EEF1A1: variants seen among roughly 807,000 people sequenced by gnomAD.
The protein encoded by EEF1A1 is eukaryotic translation elongation factor 1 alpha 1, also known as elongation factor 1-alpha 1.
A neutral mutation model predicts 38.5 loss-of-function variants in EEF1A1; 1 was observed. The observed-to-expected ratio is 0.03, with a 90% CI of 0.01 to 0.12. EEF1A1 has a LOEUF of 0.12. EEF1A1 is among the 10% of genes least tolerant of loss of function. The probability of loss-of-function intolerance (pLI) is 1.00; values close to 1 mark genes in which losing one functional copy is unlikely to be tolerated. For missense variants in EEF1A1, 184 were observed against 588.3 expected (o/e 0.31, Z 7.11); for synonymous variants, 229 against 203.7 (o/e 1.12, Z -1.06).
intron 2 of EEF1A1, 65 bp from the exon 3 acceptor site, chr6:73,519,581 C>T: frequency 1.3e-6 from 2 of 1,498,160 alleles, no homozygotes; most frequent in East Asian, 2.3e-5. Context: ...TTTCCTTGTC[C>T]CCAGCCCTTA....
Position 73,520,068 on chromosome 6 carries a change from GAAA to G in EEF1A1, c.-30-15_-30-13del, listed in dbSNP as rs765550117. On this transcript the variant is annotated splice_polypyrimidine_tract_variant and intron_variant, in intron 1 of 7. Coordinates refer to ENST00000309268, the MANE Select transcript of EEF1A1 (RefSeq NM_001402.6). ...AGTTTTCACGACACCTGAAATGGAAGAAAAAAACTTTGAACCACTGTCTGAGGC... is the reference window on the plus strand; with the variant it reads ...AGTTTTCACGACACCTGAAATGGAAGAAAACTTTGAACCACTGTCTGAGGC... The G allele has an allele frequency of 6.4e-6, 10 of 1,572,940 alleles. No individual in the cohort carries two copies. The African/African-American group carries it at 1.2e-4, about 19-fold the overall frequency.
At chr6:73,520,142 G>A in intron 1 of EEF1A1, 86 bp from the exon 2 acceptor site, 1 of 1,309,762 alleles carries the variant, frequency 7.6e-7, no homozygotes, top group South Asian at 1.4e-5. Flanking sequence ...AAATTCCAAG[G>A]AGAATTACAT....
chr6:73,518,002 T>G, intron 7 of EEF1A1, 28 bp downstream of exon 7: 2 of 1,609,652 alleles, frequency 1.2e-6, no homozygotes, highest in Non-Finnish European at 8.5e-7. Context: ...TTAACACAAC[T>G]TTTTTACATT....
intron 4 of EEF1A1, 26 bp downstream of exon 4, chr6:73,518,906 T>C: frequency 6.2e-7 from 1 of 1,611,208 alleles, no homozygotes. Context: ...CAGAGCTTTT[T>C]AACAATGGTC....
At position 73,517,020 on chromosome 6, in the gene EEF1A1, A is replaced by G. The variant is rs1267860289; in HGVS notation, c.*790T>C. The G allele has an allele frequency of 6.6e-6, 1 of 152,214 alleles. No individual in the cohort carries two copies. The highest frequency in any genetic ancestry group is 1.9e-4 in the East Asian group (1 of 5,204). 9.4% of individuals were successfully genotyped at this position (152,214 alleles called of 1,614,324 possible). A position where few individuals can be genotyped will look rare whatever the true frequency, so the allele number is the denominator to read the frequency against. Reference sequence around the variant, plus strand: ...AATAGCACTCAATAGAACTTGTGAAACCATCAAACTGGCATAAAGCTTACT... The same window carrying G: ...AATAGCACTCAATAGAACTTGTGAAGCCATCAAACTGGCATAAAGCTTACT... On this transcript the variant is annotated 3_prime_UTR_variant, in exon 8 of 8. Transcript: ENST00000309268.
rs927295663 is a variant in EEF1A1, at chr6:73,520,329, G to T, written c.-30-273C>A. ...TCACATGAAGCGACGGCTGAGGACGGAAAGGCCCTTTTCCTTTGTGTGGGT... is the reference window on the plus strand; with the variant it reads ...TCACATGAAGCGACGGCTGAGGACGTAAAGGCCCTTTTCCTTTGTGTGGGT... On this transcript the variant is annotated intron_variant, in intron 1 of 7. Transcript: ENST00000309268. 4 of 271,058 alleles carry T rather than the reference G, an allele frequency of 1.5e-5. No homozygotes were observed. In the South Asian group the frequency reaches 2.3e-4, roughly 16 times the overall value. The allele number at this position is 271,058 out of a possible 1,614,324, so 16.8% of individuals were successfully genotyped here.
In EEF1A1 at chr6:73,516,134, A is replaced by G. The variant is rs1765508051; in HGVS notation, c.*1676T>C. On this transcript the variant is annotated 3_prime_UTR_variant, in exon 8 of 8. Transcript: ENST00000309268. The stretch of plus-strand genomic sequence containing the variant: ...GTTCAATTTAGACTTGATACCTCAG[A>G]GCACTGGCTGATGGGAAGGCATTTT... 6.6e-6 allele frequency: 1 copy of G among 152,272 alleles called. No homozygotes were observed. The highest frequency in any genetic ancestry group is 1.5e-5 in the Non-Finnish European group (1 of 68,054). The allele number at this position is 152,272 out of a possible 1,614,324, so 9.4% of individuals were successfully genotyped here. A position where few individuals can be genotyped will look rare whatever the true frequency, so the allele number is the denominator to read the frequency against.
chr6:73,519,547 C>T (rs937015225), intron 2 of EEF1A1, 31 bp from the exon 3 acceptor site: 2 of 1,556,856 alleles, frequency 1.3e-6, no homozygotes, highest in African/African-American at 1.4e-5. Flanking sequence ...TACTTGGTTA[C>T]TAAAACACAA....
Position 73,519,430 on chromosome 6 carries a change from C to T in EEF1A1, c.231G>A (p.Leu77=), listed in dbSNP as rs1482650452. The T allele has an allele frequency of 5.6e-6, 9 of 1,605,694 alleles. 1 individual carries two copies. Among genetic ancestry groups the T allele is most frequent in the Admixed American group, 5.0e-5 (3 of 59,982 alleles). ...RERGITIDIS[L]WKFETSKYYV... is the part of the protein sequence containing the mutation. ...AGTACTTGCTGGTCTCAAATTTCCA[C>T]AAGGAGATATCAATGGTGATACCAC... Residue 77 remains leucine (L), a synonymous_variant, in exon 3 of 8, where the codon TTG becomes TTA. Coordinates refer to ENST00000309268, the MANE Select transcript of EEF1A1 (RefSeq NM_001402.6).
At position 73,515,813 on chromosome 6, in the gene EEF1A1, C is replaced by G. The variant is rs550459409; in HGVS notation, c.*1997G>C. The stretch of plus-strand genomic sequence containing the variant: ...GTAATGAATACCAGCAGGTGGTGCT[C>G]AAGCCACAGTTGTCTAAGACACTGG... On this transcript the variant is annotated 3_prime_UTR_variant, in exon 8 of 8. Transcript: ENST00000309268. 6.6e-6 allele frequency: 1 copy of G among 152,230 alleles called. No individual in the cohort carries two copies. Among genetic ancestry groups the G allele is most frequent in the Non-Finnish European group, 1.5e-5 (1 of 68,044 alleles). The allele number at this position is 152,230 out of a possible 1,614,324, so 9.4% of individuals were successfully genotyped here. A position where few individuals can be genotyped will look rare whatever the true frequency, so the allele number is the denominator to read the frequency against.
chr6:73,520,218 A>T, intron 1 of EEF1A1, 162 bp from the exon 2 acceptor site: 1 of 603,872 alleles, frequency 1.7e-6, no homozygotes, highest in Non-Finnish European at 2.7e-6. Flanking sequence ...ATCGCATAAA[A>T]CCCCTCCCCC....
rs1005161034 is a variant in EEF1A1 at position 73,516,150 on chromosome 6, A to G, written c.*1660T>C. On this transcript the variant is annotated 3_prime_UTR_variant, in exon 8 of 8. Coordinates refer to ENST00000309268, the MANE Select transcript of EEF1A1 (RefSeq NM_001402.6). ...ATACCTCAGAGCACTGGCTGATGGG[A>G]AGGCATTTTATCTAATTCAGACTCA... The G allele has an allele frequency of 1.3e-5, 2 of 152,244 alleles. No individual in the cohort carries two copies. The highest frequency in any genetic ancestry group is 2.4e-5 in the African/African-American group (1 of 41,474). The allele number at this position is 152,244 out of a possible 1,614,324, so 9.4% of individuals were successfully genotyped here. A position where few individuals can be genotyped will look rare whatever the true frequency, so the allele number is the denominator to read the frequency against.
At chr6:73,520,289 C>A in intron 1 of EEF1A1, 1 of 401,182 alleles carries the variant, frequency 2.5e-6, no homozygotes, top group Non-Finnish European at 4.5e-6. Flanking sequence ...GGACGGCGCC[C>A]GGTACTCCGT....
chr6:73,518,954 T>C lies in EEF1A1; in HGVS notation c.599A>G (p.Asn200Ser), dbSNP rs1175095938. 1 of 1,611,578 alleles carries C rather than the reference T, an allele frequency of 6.2e-7. No individual in the cohort carries two copies. The highest frequency in any genetic ancestry group is 1.7e-5 in the Admixed American group (1 of 59,926). The stretch of plus-strand genomic sequence containing the variant: ...TACGTTAGCACTTGGCTCCAGCATG[T>C]TGTCACCATTCCAACCAGAAATTGG... ...FVPISGWNGD[N>S]MLEPSANMPW... Residue 200 changes from asparagine to serine, a missense_variant, in exon 4 of 8, where the codon AAC becomes AGC. Physicochemically the swap from Asn to Ser is conservative, Grantham distance 46. Transcript: ENST00000309268.
intron 1 of EEF1A1, chr6:73,520,275 G>A (rs1332978748): frequency 2.3e-6 from 1 of 437,118 alleles, no homozygotes; most frequent in East Asian, 4.3e-5. Context: ...TAATCGAGGT[G>A]CCTGGACGGC....
In EEF1A1 at chr6:73,517,483, A is replaced by AT. The variant is rs1476671686; in HGVS notation, c.*326dup. ...CCAGAATTAGATGTCTTTCACCTAAATGTCTCGGTGTTGACCAAAGGAACA... is the reference window on the plus strand; with the variant it reads ...CCAGAATTAGATGTCTTTCACCTAAATTGTCTCGGTGTTGACCAAAGGAACA... On this transcript the variant is annotated 3_prime_UTR_variant, in exon 8 of 8. Coordinates refer to ENST00000309268, the MANE Select transcript of EEF1A1 (RefSeq NM_001402.6). 2.3e-5 allele frequency: 6 copies of AT among 256,462 alleles called. No homozygotes were observed. Among genetic ancestry groups the AT allele is most frequent in the African/African-American group, 1.1e-4 (5 of 44,790 alleles). 15.9% of individuals were successfully genotyped at this position (256,462 alleles called of 1,614,324 possible). A position where few individuals can be genotyped will look rare whatever the true frequency, so the allele number is the denominator to read the frequency against.
intron 1 of EEF1A1, 108 bp from the exon 2 acceptor site, chr6:73,520,164 C>G (rs767764040): frequency 1.9e-6 from 2 of 1,077,444 alleles, no homozygotes. Flanking sequence ...AAGTGCCAAG[C>G]TGGCCTAACT....
Position 73,516,043 on chromosome 6 carries a change from G to A in EEF1A1, c.*1767C>T, listed in dbSNP as rs1765506046. 6.6e-6 allele frequency: 1 copy of A among 152,130 alleles called. No individual in the cohort carries two copies. Among genetic ancestry groups the A allele is most frequent in the Non-Finnish European group, 1.5e-5 (1 of 68,034 alleles). 9.4% of individuals were successfully genotyped at this position (152,130 alleles called of 1,614,324 possible). A position where few individuals can be genotyped will look rare whatever the true frequency, so the allele number is the denominator to read the frequency against. The stretch of plus-strand genomic sequence containing the variant: ...CCTTACCTGTTTTTTCTGTCATCCA[G>A]CAAATCTTAGACTATTTACTTGTGT... On this transcript the variant is annotated 3_prime_UTR_variant, in exon 8 of 8. Transcript: ENST00000309268.
rs1765523033 is a variant in EEF1A1 at position 73,516,665 on chromosome 6, AT to A, written c.*1144del. ...ACCTATCCTTCAAACTTAAGCAAAAATTTTCCTTTTATAACCAAAAAAAAAC... is the reference window on the plus strand; with the variant it reads ...ACCTATCCTTCAAACTTAAGCAAAAATTTCCTTTTATAACCAAAAAAAAAC... On this transcript the variant is annotated 3_prime_UTR_variant, in exon 8 of 8. Transcript: ENST00000309268. 6.6e-6 allele frequency: 1 copy of A among 150,770 alleles called. No individual in the cohort carries two copies. Among genetic ancestry groups the A allele is most frequent in the Non-Finnish European group, 1.5e-5 (1 of 67,828 alleles). 9.3% of individuals were successfully genotyped at this position (150,770 alleles called of 1,614,324 possible). A position where few individuals can be genotyped will look rare whatever the true frequency, so the allele number is the denominator to read the frequency against.
Sources: allele counts gnomAD v4.1 joint callset, GRCh38; gene constraint gnomAD v4.1.1; transcripts MANE v1.5; gene names NCBI Gene and HGNC (gene_info 2026-07-23, HGNC 2026-07-21).